Variants in PTPN23 observed in about 807,000 individuals in gnomAD.
PTPN23 encodes the protein tyrosine-protein phosphatase non-receptor type 23.
PTPN23 carries 72 observed loss-of-function variants against 156.3 expected under a neutral mutation model. That is an observed-to-expected ratio of 0.46 (90% CI 0.38 to 0.56). The LOEUF is 0.56. Ranked by LOEUF, PTPN23 falls within the 20% of genes least tolerant of loss-of-function variation. The pLI is 0.00. For missense variants in PTPN23, 1,974 were observed against 2,171.5 expected, an observed-to-expected ratio of 0.91 and a Z score of 1.81; for synonymous variants, 957 against 899.6, an observed-to-expected ratio of 1.06 and a Z score of -1.14.
At chr3:47,403,294 C>T (rs1217153949) in intron 2 of PTPN23, among the ~76,000 whole-genome samples, 1 of 152,108 alleles carries the variant, frequency 6.6e-6, no homozygotes, top group African/African-American at 2.4e-5. Flanking sequence ...CCTCGTGATC[C>T]TCCCGCCTCG....
At position 47,409,816 on chromosome 3, in the gene PTPN23, G is replaced by T; in HGVS notation, c.2111G>T (p.Arg704Leu). ...QSTCQAREAARQQLLDRELKK... is the reference protein window; with the variant it reads ...QSTCQAREAALQQLLDRELKK... ...ACCTGCCAGGCCCGCGAGGCTGCCC[G>T]CCAGCAGCTCCTGGACAGGTTTGTG... The change falls in exon 19 of 25, where the codon CGC becomes CTC. Residue 704 changes from arginine to leucine, a missense_variant. Physicochemically the swap from Arg to Leu is moderately radical, Grantham distance 102. Coordinates refer to ENST00000265562, the MANE Select transcript of PTPN23 (RefSeq NM_015466.4). The T allele has an allele frequency of 6.2e-7, 1 of 1,609,694 alleles. No individual in the cohort carries two copies. Among genetic ancestry groups the T allele is most frequent in the East Asian group, 2.2e-5 (1 of 44,828 alleles).
intron 2 of PTPN23, among the ~76,000 whole-genome samples, chr3:47,398,493 G>A (rs573038993): frequency 6.6e-6 from 1 of 151,786 alleles, no homozygotes; most frequent in Non-Finnish European, 1.5e-5. Flanking sequence ...GATTTGCTGG[G>A]TTTTTTTGTG....
chr3:47,384,793 G>T (rs563672881), intron 1 of PTPN23, among the ~76,000 whole-genome samples: 166 of 150,240 alleles, frequency 1.1e-3, no homozygotes, highest in Admixed American at 1.6e-3. Context: ...ATGGAGTTTT[G>T]CTTTCGTTGC....
At chr3:47,381,257 G>C in intron 1 of PTPN23, 77 bp downstream of exon 1, 1 of 1,531,064 alleles carries the variant, frequency 6.5e-7, no homozygotes, top group Middle Eastern at 1.7e-4. Flanking sequence ...CCCCCTGCGC[G>C]CCCATCACCT....
intron 2 of PTPN23, among the ~76,000 whole-genome samples, chr3:47,397,210 A>T (rs140443985): frequency 1.7e-3 from 255 of 152,324 alleles, no homozygotes; most frequent in African/African-American, 5.8e-3. Flanking sequence ...TCACCATAAC[A>T]GATATATAAT....
In PTPN23 at chr3:47,410,122, C is replaced by T. The variant is rs1489980362; in HGVS notation, c.2324C>T (p.Pro775Leu). The change falls in exon 20 of 25, where the codon CCC becomes CTC. Residue 775 changes from proline to leucine, a missense_variant. Coordinates refer to ENST00000265562, the MANE Select transcript of PTPN23 (RefSeq NM_015466.4). ...SATPLHFPPS[P>L]FPSSTGPGPH... Reference sequence around the variant, plus strand: ...ACCCCGCTCCACTTTCCTCCCAGCCCCTTCCCCAGCTCCACAGGCCCAGGA... The same window carrying T: ...ACCCCGCTCCACTTTCCTCCCAGCCTCTTCCCCAGCTCCACAGGCCCAGGA... 6.3e-7 allele frequency: 1 copy of T among 1,598,166 alleles called. No individual in the cohort carries two copies. The highest frequency in any genetic ancestry group is 2.2e-5 in the East Asian group (1 of 44,784).
chr3:47,402,151 T>G (rs931705444), intron 2 of PTPN23, among the ~76,000 whole-genome samples: 2 of 152,252 alleles, frequency 1.3e-5, no homozygotes, highest in Non-Finnish European at 2.9e-5. Flanking sequence ...ATTTTTTTGT[T>G]GTTTTCCCCC....
At position 47,409,756 on chromosome 3, in the gene PTPN23, G is replaced by A. The variant is rs769861401; in HGVS notation, c.2051G>A (p.Ser684Asn). The A allele has an allele frequency of 1.2e-6, 2 of 1,607,644 alleles. No homozygotes were observed. Among genetic ancestry groups the A allele is most frequent in the Non-Finnish European group, 1.7e-6 (2 of 1,179,662 alleles). The change falls in exon 19 of 25, where the codon AGC becomes AAC. Residue 684 changes from serine (S) to asparagine (N), a missense_variant. This residue lies in a region of PTPN23 where 726 missense variants were observed against 929.5 expected (regional missense o/e 0.78). Transcript: ENST00000265562. ...EGRDFYADLE[S>N]KVAALLERTQ... ...AGGGACTTCTACGCAGATCTGGAGAGCAAGGTGGCTGCTCTGCTGGAGCGC... is the reference window on the plus strand; with the variant it reads ...AGGGACTTCTACGCAGATCTGGAGAACAAGGTGGCTGCTCTGCTGGAGCGC...
chr3:47,394,171 G>A (rs189511858), intron 1 of PTPN23, among the ~76,000 whole-genome samples: 2 of 151,840 alleles, frequency 1.3e-5, no homozygotes, highest in East Asian at 3.8e-4. Context: ...TTTCCTTTTC[G>A]TGTTCATCTG....
At chr3:47,404,823 G>C (rs1182511662) in intron 3 of PTPN23, 44 bp downstream of exon 3, 1 of 1,600,224 alleles carries the variant, frequency 6.2e-7, no homozygotes, top group African/African-American at 1.3e-5. Flanking sequence ...GGGGAGTCTG[G>C]GTGGTGGGGG....
chr3:47,408,331 G>T lies in PTPN23; in HGVS notation c.1185-14G>T, dbSNP rs750262257. The T allele has an allele frequency of 2.5e-6, 4 of 1,611,736 alleles. No homozygotes were observed. The South Asian group carries it at 3.3e-5, about 13-fold the overall frequency. On this transcript the variant is annotated splice_polypyrimidine_tract_variant and intron_variant, in intron 14 of 24. Coordinates refer to ENST00000265562, the MANE Select transcript of PTPN23 (RefSeq NM_015466.4). ...CAGCACCCAGCACCCACCTGGCCCT[G>T]TTGCTCCCCACAGCCAGTTCATGGA... is the stretch of plus-strand genomic sequence containing the variant.
Position 47,409,845 on chromosome 3 carries a change from C to G in PTPN23, c.2129+11C>G, listed in dbSNP as rs1211131065. On this transcript the variant is annotated intron_variant, in intron 19 of 24. Transcript: ENST00000265562. Reference sequence around the variant, plus strand: ...GCAGCTCCTGGACAGGTTTGTGTGGCCCTGGGGCTGTGGTGCGGCTCGGGT... The same window carrying G: ...GCAGCTCCTGGACAGGTTTGTGTGGGCCTGGGGCTGTGGTGCGGCTCGGGT... The G allele has an allele frequency of 1.2e-6, 2 of 1,607,342 alleles. No individual in the cohort carries two copies. The highest frequency in any genetic ancestry group is 8.5e-7 in the Non-Finnish European group (1 of 1,176,940).
intron 2 of PTPN23, among the ~76,000 whole-genome samples, chr3:47,397,961 G>A (rs568825569): frequency 1.3e-5 from 2 of 151,744 alleles, no homozygotes; most frequent in African/African-American, 4.8e-5. Context: ...GTGAGCCACC[G>A]CGCCCCGCCT....
chr3:47,408,881 A>C lies in PTPN23; in HGVS notation c.1436A>C (p.Gln479Pro). The change falls in exon 16 of 25, where the codon CAG (glutamine) becomes CCG (proline). Residue 479 changes from glutamine to proline, a missense_variant. Around this residue, in one of 4 missense-constraint regions of PTPN23, gnomAD observed 726 missense variants for 929.5 expected, o/e 0.78. Coordinates refer to ENST00000265562, the MANE Select transcript of PTPN23 (RefSeq NM_015466.4). ...LEQKFQEAVG[Q>P]AGAISITSKA... The stretch of plus-strand genomic sequence containing the variant: ...CAGAAGTTTCAGGAGGCGGTGGGCC[A>C]GGCAGGGGCCATCTCCATCACCTCC... The C allele has an allele frequency of 6.2e-7, 1 of 1,614,232 alleles. No individual in the cohort carries two copies. The highest frequency in any genetic ancestry group is 8.5e-7 in the Non-Finnish European group (1 of 1,180,042).
chr3:47,399,297 G>A (rs1166156038), intron 2 of PTPN23, among the ~76,000 whole-genome samples: 1 of 152,136 alleles, frequency 6.6e-6, no homozygotes. Context: ...ATTAATGGCA[G>A]TGAGCTGTAC....
intron 14 of PTPN23, 125 bp downstream of exon 14, chr3:47,408,080 C>G: frequency 8.1e-7 from 1 of 1,230,346 alleles, no homozygotes; most frequent in Non-Finnish European, 1.2e-6. Flanking sequence ...CCCAATGCTG[C>G]CTTCCCGCCT....
At position 47,412,350 on chromosome 3, in the gene PTPN23, A is replaced by T. The variant is rs1705331816; in HGVS notation, c.4246A>T (p.Asn1416Tyr). 1.2e-6 allele frequency: 2 copies of T among 1,613,136 alleles called. No homozygotes were observed. Among genetic ancestry groups the T allele is most frequent in the Non-Finnish European group, 1.7e-6 (2 of 1,180,028 alleles). The change falls in exon 23 of 25, where the codon AAC becomes TAC. Residue 1416 changes from asparagine (N) to tyrosine (Y), a missense_variant. By Grantham distance (143) the Asn-to-Tyr change is moderately radical. Coordinates refer to ENST00000265562, the MANE Select transcript of PTPN23 (RefSeq NM_015466.4). Reference protein sequence around the residue: ...YAAVQEVEAGNGIPELPQLVR... With the variant: ...YAAVQEVEAGYGIPELPQLVR... ...AGCTGTGCAGGAGGTGGAGGCTGGG[A>T]ACGGAATCCCTGAGCTGCCTCAGCT... is the stretch of plus-strand genomic sequence containing the variant.
At position 47,405,333 on chromosome 3, in the gene PTPN23, GGA is replaced by G; in HGVS notation, c.364+258_364+259del. 1.8e-6 allele frequency: 1 copy of G among 567,034 alleles called. No individual in the cohort carries two copies. The highest frequency in any genetic ancestry group is 3.2e-6 in the Non-Finnish European group (1 of 316,370). The allele number at this position is 567,034 out of a possible 1,614,324, so 35.1% of individuals were successfully genotyped here. On this transcript the variant is annotated intron_variant, in intron 4 of 24. Coordinates refer to ENST00000265562, the MANE Select transcript of PTPN23 (RefSeq NM_015466.4). The surrounding 1 kb of genome is among the most constrained non-coding windows in gnomAD (Gnocchi z 4.7). ...GAGTTGCCACTGTGTGCTCTGTCTG[GGA>G]GAGAGGGCCTTTCTTCTTTGACTGG...
chr3:47,405,363 A>G lies in PTPN23; in HGVS notation c.364+282A>G. 1 of 543,596 alleles carries G rather than the reference A, an allele frequency of 1.8e-6. No homozygotes were observed. The highest frequency in any genetic ancestry group is 3.3e-6 in the Non-Finnish European group (1 of 302,100). The allele number at this position is 543,596 out of a possible 1,614,324, so 33.7% of individuals were successfully genotyped here. On this transcript the variant is annotated intron_variant, in intron 4 of 24. Coordinates refer to ENST00000265562, the MANE Select transcript of PTPN23 (RefSeq NM_015466.4). The surrounding 1 kb of genome is among the most constrained non-coding windows in gnomAD (Gnocchi z 4.7). ...GAGGGCCTTTCTTCTTTGACTGGAC[A>G]GCCCCTCCCCACTGTGGTTTTGGGC...
Sources: gnomAD v4.1 joint callset for allele counts (sites outside exome capture counted in the v4.1 genomes callset) on GRCh38, gnomAD v4.1.1 for gene constraint, gnomAD v4.1.1 regional missense constraint, Gnocchi (gnomAD v3.1) non-coding constraint, MANE v1.5 for transcripts, NCBI Gene and HGNC (gene_info 2026-07-23, HGNC 2026-07-21) for gene names.